FN1: variants seen among roughly 807,000 people sequenced by gnomAD.
The protein encoded by FN1 is fibronectin 1.
In FN1, 106 loss-of-function variants were observed where a neutral mutation model predicts 297.3. The ratio of observed to expected loss-of-function variants is 0.36; its 90% CI spans 0.30 to 0.42. The LOEUF (loss-of-function observed/expected upper bound fraction) is 0.42. Ranked by LOEUF, FN1 falls within the 10% of genes least tolerant of loss-of-function variation. FN1 has a pLI of 1.00. For synonymous variants in FN1, 1,149 were observed against 1,152.6 expected (o/e 1.00, Z 0.06); for missense variants, 2,690 against 3,124.9 (o/e 0.86, Z 3.32).
chr2:215,417,621 C>A (rs778636548), intron 12 of FN1, among the ~76,000 whole-genome samples: 3 of 152,196 alleles, frequency 2.0e-5, no homozygotes, highest in African/African-American at 7.2e-5. Flanking sequence ...TAAAGCCCTA[C>A]GTGCTAGGCC....
intron 10 of FN1, 108 bp from the exon 11 acceptor site, chr2:215,420,909 A>C (rs1575752955): frequency 7.8e-5 from 75 of 967,006 alleles, no homozygotes; most frequent in East Asian, 2.5e-5. Flanking sequence ...AATTATCAAC[A>C]CCTTCCACTA....
In FN1 at chr2:215,399,412, A is replaced by G. The variant is rs1395296519; in HGVS notation, c.3254-61T>C. 2.7e-6 allele frequency: 3 copies of G among 1,093,250 alleles called. No homozygotes were observed. In the East Asian group the frequency reaches 7.1e-5, roughly 26 times the overall value. The allele number at this position is 1,093,250 out of a possible 1,614,324, so 67.7% of individuals were successfully genotyped here. On this transcript the variant is annotated intron_variant, in intron 20 of 45. Transcript: ENST00000354785. ...AAACTCACAGATGATTGCATAGCAT[A>G]TAGATAACAAGTATTTTTATGGAGA... is the stretch of plus-strand genomic sequence containing the variant.
At chr2:215,394,752 A>G (rs752234086) in intron 23 of FN1, 33 bp from the exon 24 acceptor site, 6 of 1,547,844 alleles carry the variant, frequency 3.9e-6, no homozygotes, top group South Asian at 1.1e-5. Context: ...GTTATTGCAC[A>G]GAGGATCTGT....
At chr2:215,408,070 A>G (rs1174300424) in intron 17 of FN1, 38 bp downstream of exon 17, 1 of 1,525,216 alleles carries the variant, frequency 6.6e-7, no homozygotes, top group Non-Finnish European at 9.1e-7. Flanking sequence ...TGTCATTAAG[A>G]TTAACATAGC....
chr2:215,423,180 T>TCACACACACA lies in FN1; in HGVS notation c.1393+160_1393+169dup, dbSNP rs9288509. Among the ~76,000 whole-genome samples the TCACACACACA allele has an allele frequency of 0.027, 4,029 of 148,824 alleles. 180 individuals are homozygous for TCACACACACA. The highest frequency in any genetic ancestry group is 0.092 in the African/African-American group (3,729 of 40,434). ...CAATCCTTATGTATATGATGTAACATCACACACACACACACACACACACAC... is the reference window on the plus strand; with the variant it reads ...CAATCCTTATGTATATGATGTAACATCACACACACACACACACACACACACACACACACAC... On this transcript the variant is annotated intron_variant, in intron 9 of 45. Coordinates refer to ENST00000354785, the MANE Select transcript of FN1 (RefSeq NM_212482.4).
chr2:215,401,590 T>C (rs1380277681), intron 20 of FN1, among the ~76,000 whole-genome samples: 4 of 152,184 alleles, frequency 2.6e-5, no homozygotes, highest in South Asian at 2.1e-4. Flanking sequence ...AAAAAACCTC[T>C]GAATGCATTT....
rs775863568 is a variant in FN1, at chr2:215,388,229, C to G, written c.4325G>C (p.Arg1442Thr). The change falls in exon 27 of 46, where the codon AGA becomes ACA. Residue 1442 changes from arginine (R) to threonine (T), a missense_variant. Around this residue, in one of 3 missense-constraint regions of FN1, gnomAD observed 1,743 missense variants for 1,945.2 expected, o/e 0.90. Transcript: ENST00000354785. Reference sequence around the variant, plus strand: ...CCACTCACCTGTTTTCTGTCTTCCTCTAAGAGGTGTGCTCTCATGTTGTTC... The same window carrying G: ...CCACTCACCTGTTTTCTGTCTTCCTGTAAGAGGTGTGCTCTCATGTTGTTC... ...VYEQHESTPL[R>T]GRQKTGLDSP... is the part of the protein sequence containing the mutation. 6.8e-6 allele frequency: 11 copies of G among 1,613,700 alleles called. No individual in the cohort carries two copies. Among genetic ancestry groups the G allele is most frequent in the Non-Finnish European group, 9.3e-6 (11 of 1,179,616 alleles).
chr2:215,371,485 T>C (rs28631799), intron 40 of FN1, among the ~76,000 whole-genome samples: 53,197 of 149,418 alleles, frequency 0.36, 11,356 homozygotes, highest in South Asian at 0.61. Context: ...TTTTCTAGAA[T>C]CATCTATCTT....
Position 215,372,360 on chromosome 2 carries a change from A to C in FN1, c.6263T>G (p.Leu2088Arg). The C allele has an allele frequency of 6.2e-7, 1 of 1,614,148 alleles. No individual in the cohort carries two copies. Among genetic ancestry groups the C allele is most frequent in the Non-Finnish European group, 8.5e-7 (1 of 1,179,988 alleles). The change falls in exon 40 of 46, where the codon CTG becomes CGG. Residue 2088 changes from leucine (L) to arginine (R), a missense_variant. Leu to Arg is a moderately radical substitution (Grantham distance 102, BLOSUM62 -2). Coordinates refer to ENST00000354785, the MANE Select transcript of FN1 (RefSeq NM_212482.4). ...GRKKTDELPQ[L>R]VTLPHPNLHG... is the part of the protein sequence containing the mutation. ...AAGATTGGGGTGTGGAAGGGTTACC[A>C]GTTGGGGAAGCTCGTCTAGCCGAGA...
intron 10 of FN1, among the ~76,000 whole-genome samples, chr2:215,421,810 T>A (rs2106414955): frequency 6.6e-6 from 1 of 152,322 alleles, no homozygotes; most frequent in East Asian, 1.9e-4. Flanking sequence ...GCTGAATGGA[T>A]CAAATGTTTC....
chr2:215,409,685 T>G lies in FN1; in HGVS notation c.2177A>C (p.Glu726Ala). 1 of 1,613,922 alleles carries G rather than the reference T, an allele frequency of 6.2e-7. No individual in the cohort carries two copies. Among genetic ancestry groups the G allele is most frequent in the Non-Finnish European group, 8.5e-7 (1 of 1,179,974 alleles). The change falls in exon 15 of 46, where the codon GAA becomes GCA. Residue 726 changes from glutamate to alanine, a missense_variant. By Grantham distance (107) the Glu-to-Ala change is moderately radical. Transcript: ENST00000354785. ...TPFSPLVATS[E>A]SVTEITASSF... ...ACTGGCTGTGATTTCGGTCACAGAT[T>G]CAGAAGTGGCCACAAGAGGAGAAAA...
chr2:215,364,562 G>T (rs1217336224), intron 44 of FN1: 3 of 433,324 alleles, frequency 6.9e-6, no homozygotes, highest in African/African-American at 4.0e-5. Flanking sequence ...GACATGCTAG[G>T]GAGCTTAGGA....
At chr2:215,402,966 C>T (rs2106225020) in intron 20 of FN1, among the ~76,000 whole-genome samples, 1 of 152,210 alleles carries the variant, frequency 6.6e-6, no homozygotes, top group African/African-American at 2.4e-5. Flanking sequence ...AAAGAAACTA[C>T]ATAAAATATG....
At chr2:215,406,614 G>A (rs1032087795) in intron 18 of FN1, 104 bp from the exon 19 acceptor site, 189 of 1,240,386 alleles carry the variant, frequency 1.5e-4, no homozygotes, top group Middle Eastern at 7.1e-4. Flanking sequence ...CCTCTCATTC[G>A]AGAGTTTTGC....
At position 215,367,977 on chromosome 2, in the gene FN1, T is replaced by C; in HGVS notation, c.6904A>G (p.Thr2302Ala). The change falls in exon 42 of 46, where the codon ACA becomes GCA. Residue 2302 changes from threonine to alanine, a missense_variant. Transcript: ENST00000354785. ...PTDDSCFDPY[T>A]VSHYAVGDEW... ...TCTCCAACGGCATAATGGGAAACTG[T>C]GTAGGGGTCAAAGCACGAGTCATCC... 6.2e-7 allele frequency: 1 copy of C among 1,614,170 alleles called. No homozygotes were observed. Among genetic ancestry groups the C allele is most frequent in the Middle Eastern group, 1.6e-4 (1 of 6,062 alleles).
Position 215,391,809 on chromosome 2 carries a change from G to C in FN1, c.4075C>G (p.Pro1359Ala), listed in dbSNP as rs1169279955. Residue 1359 changes from proline to alanine, a missense_variant, in exon 26 of 46, where the codon CCT becomes GCT. Around this residue, in one of 3 missense-constraint regions of FN1, gnomAD observed 1,743 missense variants for 1,945.2 expected, o/e 0.90. Coordinates refer to ENST00000354785, the MANE Select transcript of FN1 (RefSeq NM_212482.4). The stretch of plus-strand genomic sequence containing the variant: ...GTGAATCGCAGGTCAGTGGGAGGAG[G>C]AACAGCTGGTTTCGAACAAGAAGGA... ...PTTLTQQTAV[P>A]PPTDLRFTNI... The C allele has an allele frequency of 6.2e-7, 1 of 1,614,040 alleles. No homozygotes were observed. The highest frequency in any genetic ancestry group is 1.1e-5 in the South Asian group (1 of 91,058).
intron 29 of FN1, 27 bp from the exon 30 acceptor site, chr2:215,384,211 T>A: frequency 6.2e-7 from 1 of 1,612,706 alleles, no homozygotes; most frequent in Non-Finnish European, 8.5e-7. Context: ...TAGTTCAGAG[T>A]GTGAGGGGTT....
chr2:215,377,081 A>AGAGTGT (rs939001303), intron 35 of FN1, among the ~76,000 whole-genome samples: 60 of 147,442 alleles, frequency 4.1e-4, no homozygotes, highest in African/African-American at 1.4e-3. Context: ...AGAGAGAGAG[A>AGAGTGT]GTGTGTGTGT....
At chr2:215,378,617 C>T (rs969058049) in intron 34 of FN1, among the ~76,000 whole-genome samples, 1 of 152,042 alleles carries the variant, frequency 6.6e-6, no homozygotes, top group Non-Finnish European at 1.5e-5. Flanking sequence ...AGAGAATGTT[C>T]CATTTTGTCT....
Sources: allele counts gnomAD v4.1 joint callset (sites outside exome capture counted in the v4.1 genomes callset), GRCh38; gene constraint gnomAD v4.1.1; regional missense constraint gnomAD v4.1.1; transcripts MANE v1.5; gene names NCBI Gene and HGNC (gene_info 2026-07-23, HGNC 2026-07-21).